Variants in PHLDB2 observed in about 807,000 individuals in gnomAD.
The protein encoded by PHLDB2 is pleckstrin homology-like domain family B member 2.
In PHLDB2, 71 loss-of-function variants were observed where a neutral mutation model predicts 123.6. The ratio of observed to expected loss-of-function variants is 0.57; its 90% CI spans 0.47 to 0.70. The LOEUF (loss-of-function observed/expected upper bound fraction) is 0.70, where lower values mean the gene tolerates loss of function less well. Ranked by LOEUF, PHLDB2 falls within the 30% of genes least tolerant of loss-of-function variation. The pLI is 0.00. For synonymous variants in PHLDB2, 547 were observed against 541.6 expected, an observed-to-expected ratio of 1.01 and a Z score of -0.14; for missense variants, 1,446 against 1,519.5, an observed-to-expected ratio of 0.95 and a Z score of 0.80.
At chr3:111,868,899 C>A (rs1451832653) in intron 1 of PHLDB2, among the ~76,000 whole-genome samples, 1 of 152,182 alleles carries the variant, frequency 6.6e-6, no homozygotes, top group Non-Finnish European at 1.5e-5. Context: ...CTTGCAGAGT[C>A]TAAAGAATAT....
rs1301409793 is a variant in PHLDB2, at chr3:111,810,986, G to A, written c.-48-34835G>A. The stretch of plus-strand genomic sequence containing the variant: ...GAGATTTCAAAGAGCTGTCATCCTA[G>A]GTAAATGGCCCAGATACATGCTCCA... On this transcript the variant is annotated intron_variant, in intron 1 of 17. Transcript: ENST00000393923. Among the ~76,000 whole-genome samples, 40 of 152,156 alleles carry A rather than the reference G, an allele frequency of 2.6e-4. 1 individual carries two copies. The highest frequency in any genetic ancestry group is 2.6e-3 in the Admixed American group (40 of 15,268).
At chr3:111,887,394 T>C (rs2066236542) in intron 2 of PHLDB2, among the ~76,000 whole-genome samples, 3 of 152,244 alleles carry the variant, frequency 2.0e-5, no homozygotes, top group African/African-American at 7.2e-5. Context: ...CATGGTCTAT[T>C]TGTTTGACTA....
intron 2 of PHLDB2, among the ~76,000 whole-genome samples, chr3:111,896,362 C>T (rs1553746768): frequency 2.2e-5 from 3 of 136,582 alleles, no homozygotes; most frequent in South Asian, 2.5e-4. Flanking sequence ...TCCCCCGCCC[C>T]GAGACGGAGT....
At chr3:111,901,747 G>C (rs933369614) in intron 2 of PHLDB2, among the ~76,000 whole-genome samples, 8 of 152,134 alleles carry the variant, frequency 5.3e-5, no homozygotes, top group African/African-American at 1.9e-4. Context: ...TTCTTTAATG[G>C]TGAAGAGCAA....
intron 1 of PHLDB2, among the ~76,000 whole-genome samples, chr3:111,746,599 C>CA (rs1268167675): frequency 6.6e-6 from 1 of 152,046 alleles, no homozygotes; most frequent in Admixed American, 6.6e-5. Flanking sequence ...CCCTCCCCTA[C>CA]AAAAAACTTC....
intron 1 of PHLDB2, among the ~76,000 whole-genome samples, chr3:111,874,973 T>G (rs2065531333): frequency 6.6e-6 from 1 of 152,196 alleles, no homozygotes; most frequent in Non-Finnish European, 1.5e-5. Flanking sequence ...TCTAGAGACT[T>G]TTTATAACAA....
intron 1 of PHLDB2, chr3:111,732,848 A>G (rs759161963): frequency 9.7e-5 from 61 of 631,080 alleles, no homozygotes; most frequent in Non-Finnish European, 1.4e-4. Flanking sequence ...TCATTTTTCT[A>G]TCAGCCTGTT....
intron 11 of PHLDB2, 116 bp downstream of exon 11, chr3:111,952,828 T>C (rs1239448170): frequency 4.0e-6 from 5 of 1,247,948 alleles, no homozygotes; most frequent in South Asian, 1.5e-5. Context: ...TTACATTTAC[T>C]TGTTAGGCAG....
intron 1 of PHLDB2, among the ~76,000 whole-genome samples, chr3:111,749,868 C>T (rs531502404): frequency 3.0e-4 from 46 of 152,304 alleles, no homozygotes; most frequent in African/African-American, 1.1e-3. Context: ...TCAAAGAAGG[C>T]ATTTCCATTT....
At chr3:111,951,591 C>T (rs1402209384) in intron 10 of PHLDB2, among the ~76,000 whole-genome samples, 1 of 151,886 alleles carries the variant, frequency 6.6e-6, no homozygotes, top group Non-Finnish European at 1.5e-5. Flanking sequence ...AATCACTTTA[C>T]TATATATATT....
chr3:111,930,239 A>G (rs752560503), intron 5 of PHLDB2, among the ~76,000 whole-genome samples: 12 of 152,090 alleles, frequency 7.9e-5, no homozygotes, highest in Non-Finnish European at 1.3e-4. Flanking sequence ...ATTATTAACA[A>G]TACAAACATT....
intron 1 of PHLDB2, among the ~76,000 whole-genome samples, chr3:111,880,965 A>G (rs1057133048): frequency 6.6e-6 from 1 of 152,216 alleles, no homozygotes; most frequent in Middle Eastern, 3.4e-3. Flanking sequence ...CCAGCTTTAG[A>G]TTCCTTACCT....
chr3:111,737,688 C>CTT (rs11433113), intron 1 of PHLDB2, among the ~76,000 whole-genome samples: 24 of 149,846 alleles, frequency 1.6e-4, no homozygotes, highest in African/African-American at 4.9e-4. Context: ...CCCACAAAGT[C>CTT]TTTTTTTTTT....
intron 12 of PHLDB2, among the ~76,000 whole-genome samples, chr3:111,956,360 A>T (rs2071063897): frequency 6.6e-6 from 1 of 152,222 alleles, no homozygotes; most frequent in African/African-American, 2.4e-5. Flanking sequence ...CAGTTATTCT[A>T]ATCTGTTTTC....
chr3:111,739,361 C>A (rs913267370), intron 1 of PHLDB2, among the ~76,000 whole-genome samples: 4 of 152,024 alleles, frequency 2.6e-5, no homozygotes, highest in Non-Finnish European at 5.9e-5. Context: ...CGCCTGTGTG[C>A]CACTAATGCA....
chr3:111,801,173 A>G (rs556216514), intron 1 of PHLDB2, among the ~76,000 whole-genome samples: 73 of 152,328 alleles, frequency 4.8e-4, no homozygotes, highest in African/African-American at 1.8e-3. Context: ...CCCAGTGGAA[A>G]ATGAAATACA....
intron 13 of PHLDB2, among the ~76,000 whole-genome samples, chr3:111,965,898 C>G (rs996652553): frequency 2.6e-5 from 4 of 152,146 alleles, no homozygotes; most frequent in Admixed American, 6.6e-5. Context: ...ACCTTTCACT[C>G]CCTTTGGTTT....
At chr3:111,830,181 C>CT (rs2062875402) in intron 1 of PHLDB2, among the ~76,000 whole-genome samples, 1 of 152,134 alleles carries the variant, frequency 6.6e-6, no homozygotes. Flanking sequence ...AGCTTTTACT[C>CT]TTTCCTCCTA....
At position 111,913,457 on chromosome 3, in the gene PHLDB2, G is replaced by T. The variant is rs774433422; in HGVS notation, c.1474G>T (p.Glu492Ter). The T allele has an allele frequency of 4.3e-6, 7 of 1,614,124 alleles. No individual in the cohort carries two copies. The highest frequency in any genetic ancestry group is 8.5e-7 in the Non-Finnish European group (1 of 1,180,018). ...ELEKLQLSDE[E>*]SVFEEALMSP... The stretch of plus-strand genomic sequence containing the variant: ...TGAGAAGCTGCAGCTCTCTGATGAG[G>T]AGTCTGTGTTTGAGGAAGCCCTCAT... The change falls in exon 3 of 18, where the codon GAG becomes TAG. Residue 492 changes from glutamate (E) to a stop codon, truncating the protein, a stop_gained. Transcript: ENST00000431670. LOFTEE classifies it high-confidence loss of function.
Sources: allele counts gnomAD v4.1 joint callset (sites outside exome capture counted in the v4.1 genomes callset), GRCh38; gene constraint gnomAD v4.1.1; transcripts MANE v1.5; gene names NCBI Gene and HGNC (gene_info 2026-07-23, HGNC 2026-07-21).